Variants in ANK2 observed in about 807,000 individuals in gnomAD.
ANK2 encodes the protein ankyrin 2.
A neutral mutation model predicts 360.5 loss-of-function variants in ANK2; 83 were observed. The ratio of observed to expected loss-of-function variants is 0.23; its 90% CI spans 0.19 to 0.28. The LOEUF is 0.28. Among genes scored for constraint, ANK2 ranks in the 10% least tolerant of loss-of-function variants. The pLI is 1.00. For synonymous variants in ANK2, 1,740 were observed against 1,759.5 expected (o/e 0.99, Z 0.28); for missense variants, 4,201 against 4,795.7 (o/e 0.88, Z 3.66).
intron 2 of ANK2, among the ~76,000 whole-genome samples, chr4:113,186,260 G>A (rs571535601): frequency 8.0e-4 from 122 of 152,262 alleles, no homozygotes; most frequent in African/African-American, 2.8e-3. Context: ...CCAGGCAAAC[G>A]ATCTGGAGTA....
chr4:112,761,416 C>A, the ANK2 span, among the ~76,000 whole-genome samples: 1 of 151,954 alleles, frequency 6.6e-6, no homozygotes. Context: ...GTTAGGAGAT[C>A]GAGACCATCC....
intron 17 of ANK2, among the ~76,000 whole-genome samples, chr4:113,282,471 C>T (rs1369936859): frequency 6.6e-6 from 1 of 152,160 alleles, no homozygotes; most frequent in Non-Finnish European, 1.5e-5. Context: ...ATCTGTCTTA[C>T]AGTAGAATGG....
At chr4:112,945,173 G>A (rs979660114) in intron 2 of ANK2, among the ~76,000 whole-genome samples, 1 of 152,162 alleles carries the variant, frequency 6.6e-6, no homozygotes, top group Non-Finnish European at 1.5e-5. Context: ...ATGCTGCCTG[G>A]CCTGGCAGTA....
chr4:112,758,347 TA>T, the ANK2 span, among the ~76,000 whole-genome samples: 1 of 152,218 alleles, frequency 6.6e-6, no homozygotes, highest in Non-Finnish European at 1.5e-5. Flanking sequence ...ATACGCTGCA[TA>T]ATCTTTCAGC....
At chr4:112,964,024 A>C (rs1582068497) in intron 2 of ANK2, among the ~76,000 whole-genome samples, 1 of 151,334 alleles carries the variant, frequency 6.6e-6, no homozygotes, top group Non-Finnish European at 1.5e-5. Flanking sequence ...ATAATAAAAC[A>C]TGACTTTTTC....
chr4:113,049,896 A>T (rs1478962062), intron 1 of ANK2, 84 bp downstream of exon 1: 17 of 1,509,006 alleles, frequency 1.1e-5, no homozygotes, highest in Non-Finnish European at 1.5e-5. Flanking sequence ...AAGGCTATGG[A>T]AACCGTGGAG....
chr4:113,032,130 G>A (rs1461496107), intron 2 of ANK2, among the ~76,000 whole-genome samples: 4 of 152,036 alleles, frequency 2.6e-5, no homozygotes, highest in Admixed American at 2.6e-4. Flanking sequence ...CTAATTAACA[G>A]TTCTACTTAC....
intron 1 of ANK2, among the ~76,000 whole-genome samples, chr4:113,063,300 G>A (rs186813093): frequency 9.9e-5 from 15 of 152,190 alleles, no homozygotes; most frequent in Non-Finnish European, 1.9e-4. Flanking sequence ...TTGTGGATAA[G>A]AGAATACTTG....
chr4:113,381,891 A>C lies in ANK2; in HGVS notation c.*420A>C, dbSNP rs2097179574. Reference sequence around the variant, plus strand: ...TTGTTGTGTCTGTGCTAACCTGGGAACTGGCCACCTCCATTGTTCTTTGCT... The same window carrying C: ...TTGTTGTGTCTGTGCTAACCTGGGACCTGGCCACCTCCATTGTTCTTTGCT... On this transcript the variant is annotated 3_prime_UTR_variant, in exon 46 of 46. Coordinates refer to ENST00000357077, the MANE Select transcript of ANK2 (RefSeq NM_001148.6). 2.7e-6 allele frequency: 1 copy of C among 364,444 alleles called. No individual in the cohort carries two copies. The highest frequency in any genetic ancestry group is 9.7e-4 in the Middle Eastern group (1 of 1,032). The allele number at this position is 364,444 out of a possible 1,614,324, so 22.6% of individuals were successfully genotyped here.
At chr4:113,068,592 A>G (rs751925123) in intron 1 of ANK2, among the ~76,000 whole-genome samples, 9 of 152,212 alleles carry the variant, frequency 5.9e-5, no homozygotes, top group Non-Finnish European at 8.8e-5. Flanking sequence ...GATATCACAT[A>G]AGGATAAAGA....
rs1424250599 is a variant in ANK2, at chr4:113,347,889, A to G, written c.4372-387A>G. On this transcript the variant is annotated intron_variant, in intron 35 of 45. Transcript: ENST00000357077. The stretch of plus-strand genomic sequence containing the variant: ...ATTGCCTGTGTATTGAAAATTTTCC[A>G]CCATATGCTTATTTGTAGCTTTTAG... The G allele has an allele frequency of 2.5e-5, 5 of 197,358 alleles. 1 individual carries two copies. The South Asian group carries it at 3.1e-4, about 12-fold the overall frequency. 12.2% of individuals were successfully genotyped at this position (197,358 alleles called of 1,614,324 possible). A position where few individuals can be genotyped will look rare whatever the true frequency, so the allele number is the denominator to read the frequency against.
At position 113,157,545 on chromosome 4, in the gene ANK2, A is replaced by G. The variant is rs534154115; in HGVS notation, c.85-16871A>G. On this transcript the variant is annotated intron_variant, in intron 1 of 45. Coordinates refer to ENST00000357077, the MANE Select transcript of ANK2 (RefSeq NM_001148.6). Reference sequence around the variant, plus strand: ...CACAGCTCTTGGGTTAGCAACATTAAAGAAAAGAAATCTTGGTATTCCACA... The same window carrying G: ...CACAGCTCTTGGGTTAGCAACATTAGAGAAAAGAAATCTTGGTATTCCACA... Among the ~76,000 whole-genome samples the G allele has an allele frequency of 3.3e-5, 5 of 152,366 alleles. No homozygotes were observed. In the East Asian group the frequency reaches 7.7e-4, roughly 23 times the overall value.
At chr4:113,247,955 A>G (rs989888005) in intron 9 of ANK2, among the ~76,000 whole-genome samples, 7 of 152,236 alleles carry the variant, frequency 4.6e-5, no homozygotes, top group African/African-American at 2.4e-5. Context: ...CAAAAGTGTA[A>G]TCATTGTCAT....
chr4:112,706,796 C>G, the ANK2 span: 1 of 152,230 alleles, frequency 6.6e-6, no homozygotes, highest in African/African-American at 2.4e-5. Flanking sequence ...ACATGTGTTC[C>G]TGTTCTCTCC....
chr4:112,948,393 TG>T (rs889118675), intron 2 of ANK2, among the ~76,000 whole-genome samples: 21 of 152,076 alleles, frequency 1.4e-4, no homozygotes, highest in African/African-American at 3.9e-4. Flanking sequence ...AAGTTGAACA[TG>T]TTTTTTTTTT....
chr4:113,245,119 T>A (rs1312780190), intron 9 of ANK2, among the ~76,000 whole-genome samples: 1 of 152,150 alleles, frequency 6.6e-6, no homozygotes, highest in Non-Finnish European at 1.5e-5. Flanking sequence ...TACTTCTTCA[T>A]CTGTAAGTAG....
chr4:112,736,141 G>A, the ANK2 span, among the ~76,000 whole-genome samples: 35 of 152,140 alleles, frequency 2.3e-4, no homozygotes, highest in Middle Eastern at 6.8e-3. Flanking sequence ...CCTAATAGCT[G>A]CTAAATTTAT....
intron 2 of ANK2, among the ~76,000 whole-genome samples, chr4:112,957,302 C>T (rs956133466): frequency 7.9e-5 from 12 of 152,070 alleles, no homozygotes; most frequent in Admixed American, 3.3e-4. Flanking sequence ...GTGGACACAG[C>T]ACATGTTTCA....
chr4:113,205,104 C>T (rs1045860398), intron 4 of ANK2, among the ~76,000 whole-genome samples: 8 of 151,668 alleles, frequency 5.3e-5, no homozygotes, highest in Admixed American at 6.6e-5. Context: ...GGCGTAGTGG[C>T]GGGCTCCTGT....
Sources: allele counts gnomAD v4.1 joint callset (sites outside exome capture counted in the v4.1 genomes callset), GRCh38; gene constraint gnomAD v4.1.1; transcripts MANE v1.5; gene names NCBI Gene and HGNC (gene_info 2026-07-23, HGNC 2026-07-21).